Variants in SEPHS1 observed in about 807,000 individuals in gnomAD.
The protein encoded by SEPHS1 is zincore component SEPHS1.
SEPHS1 carries 7 observed loss-of-function variants against 39.2 expected under a neutral mutation model. The observed-to-expected ratio is 0.18, with a 90% CI of 0.10 to 0.34. The LOEUF is 0.34. Among genes scored for constraint, SEPHS1 ranks in the 10% least tolerant of loss-of-function variants. SEPHS1 has a pLI of 1.00. For synonymous variants in SEPHS1, 190 were observed against 195.5 expected, an observed-to-expected ratio of 0.97 and a Z score of 0.23; for missense variants, 253 against 514.5, an observed-to-expected ratio of 0.49 and a Z score of 4.92.
intron 8 of SEPHS1, among the ~76,000 whole-genome samples, chr10:13,321,081 C>A (rs1465348252): frequency 2.0e-5 from 3 of 152,042 alleles, no homozygotes; most frequent in Non-Finnish European, 4.4e-5. Context: ...CTGAAGCCCC[C>A]TCGCCACAGC....
chr10:13,324,483 ATATT>A (rs1307716617), intron 7 of SEPHS1, among the ~76,000 whole-genome samples: 1 of 152,234 alleles, frequency 6.6e-6, no homozygotes, highest in Non-Finnish European at 1.5e-5. Flanking sequence ...ATATAATAAC[ATATT>A]TAGTTTCATA....
Position 13,328,464 on chromosome 10 carries a change from T to C in SEPHS1, c.652-14A>G, listed in dbSNP as rs1199467840. On this transcript the variant is annotated splice_polypyrimidine_tract_variant and intron_variant, in intron 6 of 8. Coordinates refer to ENST00000327347, the MANE Select transcript of SEPHS1 (RefSeq NM_012247.5). ...CCATTTCTCAGGCTGATAATAGAAA[T>C]GTAGGTGAGGGAGAGAAAGAGAGGA... 2.1e-5 allele frequency: 33 copies of C among 1,547,348 alleles called. No homozygotes were observed. The highest frequency in any genetic ancestry group is 2.9e-5 in the Non-Finnish European group (33 of 1,120,928).
At chr10:13,333,994 T>C (rs776964760) in intron 4 of SEPHS1, 23 bp from the exon 5 acceptor site, 11 of 1,588,548 alleles carry the variant, frequency 6.9e-6, no homozygotes, top group Non-Finnish European at 8.5e-6. Context: ...AAGGTACAAA[T>C]AAAAAGTCAA....
At chr10:13,339,046 T>C (rs187259823) in intron 2 of SEPHS1, among the ~76,000 whole-genome samples, 107 of 152,336 alleles carry the variant, frequency 7.0e-4, no homozygotes, top group South Asian at 2.7e-3. Flanking sequence ...CAATATGGCA[T>C]AGTTTTAATC....
intron 5 of SEPHS1, among the ~76,000 whole-genome samples, 190 bp from the exon 6 acceptor site, chr10:13,329,978 C>T (rs1833418295): frequency 1.3e-5 from 2 of 152,210 alleles, no homozygotes; most frequent in Non-Finnish European, 2.9e-5. Flanking sequence ...TGGAACAAAA[C>T]ATTCAGCCAT....
chr10:13,319,609 T>A (rs1833041601), intron 8 of SEPHS1, among the ~76,000 whole-genome samples: 1 of 152,168 alleles, frequency 6.6e-6, no homozygotes, highest in Non-Finnish European at 1.5e-5. Flanking sequence ...CACTTCAGCT[T>A]TCCCAGTAGC....
At chr10:13,331,355 T>C (rs1020414241) in intron 5 of SEPHS1, among the ~76,000 whole-genome samples, 4 of 151,934 alleles carry the variant, frequency 2.6e-5, no homozygotes, top group South Asian at 2.1e-4. Context: ...TACCCAGTAA[T>C]GGGATTGCTG....
intron 4 of SEPHS1, 149 bp from the exon 5 acceptor site, chr10:13,334,120 A>G (rs1833553330): frequency 2.9e-6 from 2 of 699,206 alleles, no homozygotes; most frequent in African/African-American, 1.8e-5. Context: ...GTTAGGGGCC[A>G]GGCATAATCG....
chr10:13,345,267 G>A (rs536803422), intron 1 of SEPHS1: 15 of 204,302 alleles, frequency 7.3e-5, no homozygotes, highest in African/African-American at 3.4e-4. Context: ...TGTGGCAAGA[G>A]GGCCAGCCTG....
At chr10:13,346,020 C>T (rs1833911427) in intron 1 of SEPHS1, among the ~76,000 whole-genome samples, 1 of 152,260 alleles carries the variant, frequency 6.6e-6, no homozygotes, top group East Asian at 1.9e-4. Context: ...CTGATGTTTT[C>T]ACGCAGTGCT....
intron 4 of SEPHS1, among the ~76,000 whole-genome samples, chr10:13,335,581 T>C (rs1588543302): frequency 6.6e-6 from 1 of 151,928 alleles, no homozygotes; most frequent in African/African-American, 2.4e-5. Flanking sequence ...GGAGAATCGC[T>C]TGAACCTGGG....
intron 4 of SEPHS1, among the ~76,000 whole-genome samples, chr10:13,335,134 A>G (rs546212773): frequency 2.6e-5 from 4 of 152,350 alleles, no homozygotes; most frequent in African/African-American, 7.2e-5. Flanking sequence ...GTACCTGTCT[A>G]TCTAAATAGG....
chr10:13,342,735 TA>T (rs1414987862), intron 2 of SEPHS1, among the ~76,000 whole-genome samples: 1 of 151,716 alleles, frequency 6.6e-6, no homozygotes, highest in Non-Finnish European at 1.5e-5. Flanking sequence ...TGCAAAACAG[TA>T]ATCTTTTTTT....
chr10:13,322,981 C>A lies in SEPHS1; in HGVS notation c.818G>T (p.Gly273Val), dbSNP rs1833159030. 2 of 1,613,958 alleles carry A rather than the reference C, an allele frequency of 1.2e-6. No homozygotes were observed. The highest frequency in any genetic ancestry group is 1.7e-6 in the Non-Finnish European group (2 of 1,180,008). Residue 273 changes from glycine (G) to valine (V), a missense_variant, in exon 8 of 9, where the codon GGC becomes GTC. Around this residue, in one of 4 missense-constraint regions of SEPHS1, gnomAD observed 107 missense variants for 257.1 expected, o/e 0.42. Coordinates refer to ENST00000327347, the MANE Select transcript of SEPHS1 (RefSeq NM_012247.5). Reference protein sequence around the residue: ...ATDITGFGILGHAQNLAKQQR... With the variant: ...ATDITGFGILVHAQNLAKQQR... The stretch of plus-strand genomic sequence containing the variant: ...CTGCTTGGCCAGGTTCTGCGCATGG[C>A]CCAAAATCCCGAAGCCCGTGATGTC...
In SEPHS1 at chr10:13,322,898, C is replaced by G; in HGVS notation, c.901G>C (p.Ala301Pro). Residue 301 changes from alanine to proline, a missense_variant, in exon 8 of 9, where the codon GCG (alanine) becomes CCG (proline). This residue lies in a region of SEPHS1 where 107 missense variants were observed against 257.1 expected (regional missense o/e 0.42). Transcript: ENST00000327347. ...HNLPVLAKMA[A>P]VSKACGNMFG... ...ATGTTTCCGCAGGCCTTGCTCACCGCAGCCATCTTGGCCAGCACCGGGAGG... is the reference window on the plus strand; with the variant it reads ...ATGTTTCCGCAGGCCTTGCTCACCGGAGCCATCTTGGCCAGCACCGGGAGG... 1 of 1,613,962 alleles carries G rather than the reference C, an allele frequency of 6.2e-7. No homozygotes were observed. The highest frequency in any genetic ancestry group is 8.5e-7 in the Non-Finnish European group (1 of 1,179,876).
chr10:13,324,252 T>C (rs1283280961), intron 7 of SEPHS1, among the ~76,000 whole-genome samples: 1 of 152,150 alleles, frequency 6.6e-6, no homozygotes, highest in African/African-American at 2.4e-5. Context: ...TTTCATGGCT[T>C]GATAGCTCAT....
At chr10:13,326,405 C>T (rs1462070794) in intron 7 of SEPHS1, among the ~76,000 whole-genome samples, 1 of 150,230 alleles carries the variant, frequency 6.7e-6, no homozygotes, top group Non-Finnish European at 1.5e-5. Context: ...AGTCGGAAGG[C>T]GGAGGTTGCG....
At chr10:13,342,565 G>A (rs1833823132) in intron 2 of SEPHS1, among the ~76,000 whole-genome samples, 2 of 152,048 alleles carry the variant, frequency 1.3e-5, no homozygotes, top group Admixed American at 6.6e-5. Flanking sequence ...CAGCCTGGGC[G>A]ACACAGTGAG....
chr10:13,346,032 T>C (rs149060362), intron 1 of SEPHS1, among the ~76,000 whole-genome samples: 75 of 152,382 alleles, frequency 4.9e-4, no homozygotes, highest in African/African-American at 1.6e-3. Context: ...CGCAGTGCTA[T>C]TTCCTAGAAA....
Sources: gnomAD v4.1 joint callset for allele counts (sites outside exome capture counted in the v4.1 genomes callset) on GRCh38, gnomAD v4.1.1 for gene constraint, gnomAD v4.1.1 regional missense constraint, MANE v1.5 for transcripts, NCBI Gene and HGNC (gene_info 2026-07-23, HGNC 2026-07-21) for gene names.